Variants in PCDH15 observed in about 807,000 individuals in gnomAD.
PCDH15 encodes the protein protocadherin related 15, also known as protocadherin-15.
Under a neutral mutation model 178.5 loss-of-function variants are expected in PCDH15, and 129 were observed. The ratio of observed to expected loss-of-function variants is 0.72; its 90% CI spans 0.63 to 0.84. PCDH15 has a LOEUF of 0.84. Among genes scored for constraint, PCDH15 ranks in the 40% least tolerant of loss-of-function variants. PCDH15 has a pLI of 0.00. For synonymous variants in PCDH15, 800 were observed against 732.0 expected (o/e 1.09, Z -1.50); for missense variants, 2,230 against 2,099.9 (o/e 1.06, Z -1.21).
At chr10:55,302,138 C>G (rs1391858316) in intron 1 of PCDH15, among the ~76,000 whole-genome samples, 1 of 152,000 alleles carries the variant, frequency 6.6e-6, no homozygotes. Flanking sequence ...ACCTGTATCT[C>G]AAATTTTTTG....
Position 54,764,317 on chromosome 10 carries a change from G to T in PCDH15, c.-29+36608C>A, listed in dbSNP as rs181736019. Among the ~76,000 whole-genome samples the T allele has an allele frequency of 1.0e-3, 154 of 152,034 alleles. 2 individuals are homozygous for T. In the South Asian group the frequency reaches 0.022, roughly 22 times the overall value. ...GCCTGTGAGTATATTAAATTCACTG[G>T]CATGTTTTTTCATCTATTTCCCTTT... On this transcript the variant is annotated intron_variant, in intron 1 of 37. Transcript: ENST00000644397.
chr10:54,811,128 A>G (rs998870968), intron 3 of PCDH15, among the ~76,000 whole-genome samples: 2 of 149,728 alleles, frequency 1.3e-5, no homozygotes, highest in Admixed American at 6.7e-5. Context: ...ACTACTCAAT[A>G]TTATGTGTAT....
At chr10:55,151,404 T>C (rs1262793962) in intron 2 of PCDH15, among the ~76,000 whole-genome samples, 1 of 152,070 alleles carries the variant, frequency 6.6e-6, no homozygotes, top group East Asian at 1.9e-4. Flanking sequence ...AGTGACTTTA[T>C]ATATGAAAGT....
At chr10:53,927,192 G>C (rs2084639865) in intron 25 of PCDH15, among the ~76,000 whole-genome samples, 1 of 151,808 alleles carries the variant, frequency 6.6e-6, no homozygotes, top group Middle Eastern at 3.2e-3. Flanking sequence ...ATTAGTCAAA[G>C]AGTAAGAAGA....
At chr10:54,386,165 T>C (rs1448526249) in intron 3 of PCDH15, among the ~76,000 whole-genome samples, 1 of 150,268 alleles carries the variant, frequency 6.7e-6, no homozygotes, top group Non-Finnish European at 1.5e-5. Flanking sequence ...GGCAGGGATG[T>C]CCAATATTTT....
At chr10:54,480,970 G>A (rs779846783) in intron 3 of PCDH15, among the ~76,000 whole-genome samples, 9 of 151,810 alleles carry the variant, frequency 5.9e-5, no homozygotes, top group East Asian at 1.9e-4. Flanking sequence ...ATGAGAGCCC[G>A]TATTGCTGAT....
At chr10:54,396,203 T>C (rs1027165633) in intron 3 of PCDH15, among the ~76,000 whole-genome samples, 1 of 152,186 alleles carries the variant, frequency 6.6e-6, no homozygotes, top group Non-Finnish European at 1.5e-5. Flanking sequence ...AAGCTTTACT[T>C]AGCCTTTATC....
chr10:55,131,520 G>C (rs1838045086), intron 2 of PCDH15, among the ~76,000 whole-genome samples: 1 of 152,160 alleles, frequency 6.6e-6, no homozygotes, highest in South Asian at 2.1e-4. Flanking sequence ...CCTGCTGTAT[G>C]GCAGGTCCTG....
At chr10:55,379,300 C>A (rs1032206957) in intron 2 of PCDH15, among the ~76,000 whole-genome samples, 1 of 151,820 alleles carries the variant, frequency 6.6e-6, no homozygotes, top group Admixed American at 6.6e-5. Context: ...TCCTAATGTA[C>A]CCCTGTCAAT....
intron 21 of PCDH15, 110 bp from the exon 22 acceptor site, chr10:53,962,002 T>A: frequency 1.2e-6 from 1 of 842,530 alleles, no homozygotes; most frequent in East Asian, 2.7e-5. Context: ...GTGAAAATCA[T>A]ATTTCCATAT....
At chr10:53,922,720 T>G (rs1210062869) in intron 25 of PCDH15, among the ~76,000 whole-genome samples, 1 of 152,206 alleles carries the variant, frequency 6.6e-6, no homozygotes, top group Non-Finnish European at 1.5e-5. Flanking sequence ...TATCATCAAA[T>G]AGGGATCATT....
intron 2 of PCDH15, among the ~76,000 whole-genome samples, chr10:55,159,119 T>G (rs993325631): frequency 6.6e-6 from 1 of 151,884 alleles, no homozygotes; most frequent in Admixed American, 6.6e-5. Context: ...ATGGTGGTCT[T>G]GGGATTATAT....
chr10:54,734,947 T>C (rs1471174360), intron 1 of PCDH15, among the ~76,000 whole-genome samples: 1 of 152,022 alleles, frequency 6.6e-6, no homozygotes, highest in Non-Finnish European at 1.5e-5. Context: ...GTGATGGTGG[T>C]TACAAGACTA....
intron 2 of PCDH15, among the ~76,000 whole-genome samples, chr10:55,084,348 TG>T (rs1447817010): frequency 1.3e-5 from 2 of 151,662 alleles, no homozygotes; most frequent in Admixed American, 6.6e-5. Flanking sequence ...CAAAAAAAGG[TG>T]CTTAGAGACT....
At chr10:54,793,180 C>G (rs1951598140) in intron 1 of PCDH15, among the ~76,000 whole-genome samples, 1 of 151,920 alleles carries the variant, frequency 6.6e-6, no homozygotes, top group Non-Finnish European at 1.5e-5. Flanking sequence ...TGTTGCAAGT[C>G]TAGGCTAGTT....
At chr10:54,401,592 A>T (rs1951941175) in intron 3 of PCDH15, among the ~76,000 whole-genome samples, 1 of 151,876 alleles carries the variant, frequency 6.6e-6, no homozygotes, top group African/African-American at 2.4e-5. Context: ...GGAAAAAAGC[A>T]AAAAATTAAG....
At chr10:54,293,960 A>G (rs2059586428) in intron 8 of PCDH15, among the ~76,000 whole-genome samples, 1 of 152,204 alleles carries the variant, frequency 6.6e-6, no homozygotes, top group African/African-American at 2.4e-5. Flanking sequence ...CAGCAATCCC[A>G]TTACTGGATA....
chr10:54,106,484 A>G (rs2136207521), intron 15 of PCDH15, among the ~76,000 whole-genome samples: 1 of 152,326 alleles, frequency 6.6e-6, no homozygotes, highest in South Asian at 2.1e-4. Context: ...TATCTTCCTA[A>G]GGGAAATGTT....
chr10:55,169,050 T>C (rs2132121177), intron 1 of PCDH15, among the ~76,000 whole-genome samples: 1 of 152,314 alleles, frequency 6.6e-6, no homozygotes, highest in African/African-American at 2.4e-5. Context: ...TTTTAAAAAC[T>C]TGTTTTTCTA....
Sources: gnomAD v4.1 joint callset for allele counts (sites outside exome capture counted in the v4.1 genomes callset) on GRCh38, gnomAD v4.1.1 for gene constraint, MANE v1.5 for transcripts, NCBI Gene and HGNC (gene_info 2026-07-23, HGNC 2026-07-21) for gene names.